KAZN: variants seen among roughly 807,000 people sequenced by gnomAD.
KAZN encodes kazrin, periplakin interacting protein.
In KAZN, 40 loss-of-function variants were observed where a neutral mutation model predicts 87.4. That is an observed-to-expected ratio of 0.46 (90% CI 0.36 to 0.60). The LOEUF (loss-of-function observed/expected upper bound fraction) is 0.60. Among genes scored for constraint, KAZN ranks in the 20% least tolerant of loss-of-function variants. The pLI, the probability that KAZN is intolerant of heterozygous loss-of-function variation, is 0.00. For synonymous variants in KAZN, 466 were observed against 458.3 expected (o/e 1.02, Z -0.22); for missense variants, 898 against 1,073.9 (o/e 0.84, Z 2.29).
intron 1 of KAZN, among the ~76,000 whole-genome samples, chr1:14,011,234 C>A (rs1038930429): frequency 6.6e-6 from 1 of 152,162 alleles, no homozygotes; most frequent in Admixed American, 6.5e-5. Context: ...TTTAGAAGAC[C>A]TCACGTGATC....
intron 1 of KAZN, among the ~76,000 whole-genome samples, chr1:14,684,776 A>G (rs1640861151): frequency 6.6e-6 from 1 of 152,116 alleles, no homozygotes; most frequent in South Asian, 2.1e-4. Flanking sequence ...TCCTGCACTC[A>G]TCTTATCAGG....
chr1:14,225,712 A>G (rs546474024), intron 2 of KAZN, among the ~76,000 whole-genome samples: 2 of 152,190 alleles, frequency 1.3e-5, no homozygotes, highest in Non-Finnish European at 2.9e-5. Context: ...CTACATTCCT[A>G]CAAGTATCTA....
intron 2 of KAZN, among the ~76,000 whole-genome samples, chr1:14,591,767 G>A (rs1473166286): frequency 6.6e-6 from 1 of 152,184 alleles, no homozygotes; most frequent in Non-Finnish European, 1.5e-5. Context: ...ACTCTGCTGT[G>A]TGTCCACACT....
intron 1 of KAZN, among the ~76,000 whole-genome samples, chr1:14,137,101 G>A (rs1457016244): frequency 6.6e-6 from 1 of 152,196 alleles, no homozygotes; most frequent in Non-Finnish European, 1.5e-5. Flanking sequence ...GGAAGGAAGG[G>A]CCGCTGCTGG....
At chr1:14,472,069 G>C (rs957210295) in intron 2 of KAZN, among the ~76,000 whole-genome samples, 9 of 152,070 alleles carry the variant, frequency 5.9e-5, no homozygotes, top group Non-Finnish European at 8.8e-5. Flanking sequence ...TCAATAGATG[G>C]CACTTTCTTG....
At chr1:14,992,881 C>T (rs1478648852) in intron 2 of KAZN, among the ~76,000 whole-genome samples, 6 of 151,990 alleles carry the variant, frequency 3.9e-5, no homozygotes, top group Middle Eastern at 3.4e-3. Context: ...TGGACTCAAG[C>T]GATCCACTCG....
At chr1:13,925,022 G>C (rs925769664) in intron 1 of KAZN, among the ~76,000 whole-genome samples, 2 of 152,110 alleles carry the variant, frequency 1.3e-5, no homozygotes, top group Non-Finnish European at 2.9e-5. Flanking sequence ...GTCAAATTTA[G>C]AGCATTTTTA....
intron 1 of KAZN, among the ~76,000 whole-genome samples, chr1:14,681,245 A>T (rs968232194): frequency 6.6e-6 from 1 of 152,228 alleles, no homozygotes; most frequent in Non-Finnish European, 1.5e-5. Flanking sequence ...TCATGTGGCT[A>T]TGCCACAGTT....
chr1:14,836,145 G>C (rs1318567656), intron 1 of KAZN, among the ~76,000 whole-genome samples: 1 of 152,148 alleles, frequency 6.6e-6, no homozygotes, highest in African/African-American at 2.4e-5. Flanking sequence ...GAGAGAAGAG[G>C]GGACAGAAGC....
rs142130691 is a variant in KAZN at position 14,396,705 on chromosome 1, G to A, written c.250-202278G>A. Among the ~76,000 whole-genome samples, 18 of 152,206 alleles carry A rather than the reference G, an allele frequency of 1.2e-4. No homozygotes were observed. The East Asian group carries it at 1.7e-3, about 15-fold the overall frequency. On this transcript the variant is annotated intron_variant, in intron 2 of 16. Coordinates refer to the KAZN transcript ENST00000636203. ...CCTCATCTTACCCCTCCATCACTTC[G>A]TTACAAGTGTGGAAGAAAACTCTGG...
chr1:14,833,008 A>C (rs1047691359), intron 1 of KAZN, among the ~76,000 whole-genome samples: 6 of 152,218 alleles, frequency 3.9e-5, no homozygotes, highest in South Asian at 2.1e-4. Context: ...TATTCATCTA[A>C]AATTTTATTT....
rs951129356 is a variant in KAZN at position 15,096,883 on chromosome 1, G to C, written c.1547+1950G>C. Among the ~76,000 whole-genome samples, 5 of 152,180 alleles carry C rather than the reference G, an allele frequency of 3.3e-5. No individual in the cohort carries two copies. The highest frequency in any genetic ancestry group is 7.3e-5 in the Non-Finnish European group (5 of 68,030). On this transcript the variant is annotated intron_variant, in intron 10 of 14. Coordinates refer to ENST00000376030, the MANE Select transcript of KAZN (RefSeq NM_201628.3). This position sits in a 1 kb window ranked among gnomAD's most constrained non-coding sequence, Gnocchi z 4.5. ...AGGTTAGGATTTCAGCATGTGAATT[G>C]GGTGGGGGGCATGGCAGAGGGAAAC...
rs528699235 is a variant in KAZN at position 14,101,081 on chromosome 1, C to T, written c.92-79354C>T. Among the ~76,000 whole-genome samples the T allele has an allele frequency of 1.4e-3, 213 of 152,250 alleles. 1 individual carries two copies. In the Middle Eastern group the frequency reaches 0.02, roughly 15 times the overall value. On this transcript the variant is annotated intron_variant, in intron 1 of 16. Transcript: ENST00000636203. ...AAACCTCTTTCATTCGTAAATTACC[C>T]GGTCTCGGGTATTTATCAGCAGCGT...
intron 1 of KAZN, among the ~76,000 whole-genome samples, chr1:14,134,988 C>T (rs1392696931): frequency 4.5e-5 from 4 of 87,932 alleles, no homozygotes; most frequent in African/African-American, 2.2e-4. Context: ...CACACACACA[C>T]ACACACACAC....
chr1:14,736,908 C>G (rs1257691932), intron 1 of KAZN, among the ~76,000 whole-genome samples: 1 of 152,110 alleles, frequency 6.6e-6, no homozygotes, highest in Non-Finnish European at 1.5e-5. Context: ...AGGTGCTGTT[C>G]TAAGGGCTGA....
chr1:14,255,008 C>T (rs754661326), intron 2 of KAZN, among the ~76,000 whole-genome samples: 11 of 151,538 alleles, frequency 7.3e-5, no homozygotes, highest in Non-Finnish European at 1.3e-4. Flanking sequence ...GTAATCCCAC[C>T]TACTCAGGAG....
chr1:14,916,995 C>G (rs1657886622), intron 1 of KAZN, among the ~76,000 whole-genome samples: 2 of 152,160 alleles, frequency 1.3e-5, no homozygotes. Flanking sequence ...ACCTTGAACT[C>G]CATGAAATGG....
At chr1:14,909,632 G>A (rs777512196) in intron 1 of KAZN, among the ~76,000 whole-genome samples, 6 of 152,188 alleles carry the variant, frequency 3.9e-5, no homozygotes, top group Non-Finnish European at 7.3e-5. Context: ...GCACCCCAGA[G>A]TGCCCTGCTC....
At chr1:15,065,606 TC>T in intron 7 of KAZN, 23 bp from the exon 8 acceptor site, 1 of 1,585,558 alleles carries the variant, frequency 6.3e-7, no homozygotes, top group Non-Finnish European at 8.6e-7. Context: ...CCCACCCTCT[TC>T]CACGTGGCTC....
Sources: gnomAD v4.1 joint callset for allele counts (sites outside exome capture counted in the v4.1 genomes callset) on GRCh38, gnomAD v4.1.1 for gene constraint, Gnocchi (gnomAD v3.1) non-coding constraint, MANE v1.5 for transcripts, NCBI Gene and HGNC (gene_info 2026-07-23, HGNC 2026-07-21) for gene names.